The following ATP6V1H variants were observed in gnomAD, a reference collection of about 807,000 sequenced individuals.
ATP6V1H encodes ATPase H+ transporting V1 subunit H, also known as V-type proton ATPase subunit H.
A neutral mutation model predicts 71.7 loss-of-function variants in ATP6V1H; 39 were observed. The ratio of observed to expected loss-of-function variants is 0.54; its 90% confidence interval spans 0.42 to 0.71. ATP6V1H has a LOEUF of 0.71. Among genes scored for constraint, ATP6V1H ranks in the 30% least tolerant of loss-of-function variants. The probability of loss-of-function intolerance (pLI) is 0.00; values close to 1 mark genes in which losing one functional copy is unlikely to be tolerated. For synonymous variants in ATP6V1H, 192 were observed against 199.3 expected, an observed-to-expected ratio of 0.96 and a Z score of 0.31; for missense variants, 509 against 594.9, an observed-to-expected ratio of 0.86 and a Z score of 1.50.
intron 9 of ATP6V1H, among the ~76,000 whole-genome samples, chr8:53,783,412 G>A (rs1479542067): frequency 3.3e-5 from 5 of 152,020 alleles, no homozygotes; most frequent in Admixed American, 2.6e-4. Flanking sequence ...TTTTTATTGT[G>A]TCTATTTGAT....
At chr8:53,753,326 C>G (rs911848218) in intron 12 of ATP6V1H, among the ~76,000 whole-genome samples, 1 of 152,064 alleles carries the variant, frequency 6.6e-6, no homozygotes, top group Admixed American at 6.5e-5. Context: ...AGGAAAAGCA[C>G]GGAGGATCGA....
intron 9 of ATP6V1H, among the ~76,000 whole-genome samples, chr8:53,794,724 G>A (rs1348693834): frequency 6.6e-6 from 1 of 152,116 alleles, no homozygotes; most frequent in Non-Finnish European, 1.5e-5. Flanking sequence ...ATGGTTAAAA[G>A]CACAGATTCT....
intron 13 of ATP6V1H, among the ~76,000 whole-genome samples, chr8:53,726,130 G>T (rs1806803214): frequency 6.6e-6 from 1 of 152,142 alleles, no homozygotes. Context: ...TCTTTCTAGT[G>T]CTATGCCACA....
intron 11 of ATP6V1H, among the ~76,000 whole-genome samples, chr8:53,767,275 A>G (rs535460947): frequency 6.6e-6 from 1 of 152,334 alleles, no homozygotes; most frequent in South Asian, 2.1e-4. Context: ...AATGTACCAC[A>G]CTAATGCTAA....
At position 53,743,647 on chromosome 8, in the gene ATP6V1H, T is replaced by G. The variant is rs1167575726; in HGVS notation, c.1321A>C (p.Met441Leu). Residue 441 changes from methionine to leucine, a missense_variant, in exon 13 of 14, where the codon ATG (methionine) becomes CTG (leucine). By Grantham distance (15) the Met-to-Leu change is conservative. Transcript: ENST00000359530. Reference sequence around the variant, plus strand: ...CGGACCTGCTGGTCTTCATGATGCATGTGGTTCATGACCAGCTGCTTCCCA... The same window carrying G: ...CGGACCTGCTGGTCTTCATGATGCAGGTGGTTCATGACCAGCTGCTTCCCA... ...LGGKQLVMNH[M>L]HHEDQQVRYN... is the part of the protein sequence containing the mutation. The G allele has an allele frequency of 6.2e-7, 1 of 1,613,600 alleles. No homozygotes were observed. The highest frequency in any genetic ancestry group is 1.3e-5 in the African/African-American group (1 of 74,898).
At chr8:53,722,411 T>C (rs1052681205) in intron 13 of ATP6V1H, among the ~76,000 whole-genome samples, 1 of 152,234 alleles carries the variant, frequency 6.6e-6, no homozygotes, top group African/African-American at 2.4e-5. Flanking sequence ...CTGCACTACA[T>C]ACAGATCCAG....
chr8:53,740,378 T>C (rs1807368100), intron 13 of ATP6V1H, among the ~76,000 whole-genome samples: 1 of 152,172 alleles, frequency 6.6e-6, no homozygotes, highest in African/African-American at 2.4e-5. Flanking sequence ...ATCAAAAACC[T>C]AAAAATCCTT....
intron 13 of ATP6V1H, among the ~76,000 whole-genome samples, chr8:53,721,100 T>C (rs1563435032): frequency 6.6e-6 from 1 of 152,220 alleles, no homozygotes; most frequent in Non-Finnish European, 1.5e-5. Context: ...ATAAACTTTA[T>C]AGTTGTTTAT....
At chr8:53,820,394 AC>A (rs1289641439) in intron 4 of ATP6V1H, among the ~76,000 whole-genome samples, 1 of 151,550 alleles carries the variant, frequency 6.6e-6, no homozygotes, top group Non-Finnish European at 1.5e-5. Flanking sequence ...ACAAAATGAG[AC>A]CAAAAAAAAA....
At chr8:53,721,099 A>G (rs1384243590) in intron 13 of ATP6V1H, among the ~76,000 whole-genome samples, 1 of 152,184 alleles carries the variant, frequency 6.6e-6, no homozygotes, top group East Asian at 1.9e-4. Context: ...TATAAACTTT[A>G]TAGTTGTTTA....
At chr8:53,762,443 C>T (rs998895202) in intron 11 of ATP6V1H, among the ~76,000 whole-genome samples, 2 of 152,026 alleles carry the variant, frequency 1.3e-5, no homozygotes, top group Non-Finnish European at 2.9e-5. Flanking sequence ...CAATCCCAAT[C>T]GAAATACCCG....
intron 5 of ATP6V1H, 24 bp from the exon 6 acceptor site, chr8:53,814,790 T>C (rs1405515645): frequency 6.8e-7 from 1 of 1,479,054 alleles, no homozygotes; most frequent in African/African-American, 1.4e-5. Context: ...AGAGATACAT[T>C]TAACGCAACA....
At chr8:53,755,197 T>C (rs767145902) in intron 12 of ATP6V1H, among the ~76,000 whole-genome samples, 2 of 152,216 alleles carry the variant, frequency 1.3e-5, no homozygotes, top group African/African-American at 2.4e-5. Context: ...ACAAAGATCA[T>C]TGATGTCCCT....
At position 53,753,278 on chromosome 8, in the gene ATP6V1H, T is replaced by G. The variant is rs867321261; in HGVS notation, c.1277+3277A>C. Among the ~76,000 whole-genome samples the G allele has an allele frequency of 2.6e-5, 4 of 152,132 alleles. 1 individual carries two copies. Among genetic ancestry groups the G allele is most frequent in the African/African-American group, 7.2e-5 (3 of 41,432 alleles). ...CCACTGGAAGGACATAGAAAAGAAT[T>G]AGCATGGCCACAGTTTTGGGCCAAA... On this transcript the variant is annotated intron_variant, in intron 12 of 13. Transcript: ENST00000359530.
intron 12 of ATP6V1H, among the ~76,000 whole-genome samples, chr8:53,755,712 A>T (rs1563451013): frequency 6.1e-4 from 3 of 4,924 alleles, no homozygotes; most frequent in Admixed American, 2.0e-3. Context: ...ATATATATAT[A>T]TATATATATA....
At chr8:53,823,759 C>T (rs1269229273) in intron 4 of ATP6V1H, among the ~76,000 whole-genome samples, 1 of 152,126 alleles carries the variant, frequency 6.6e-6, no homozygotes, top group Non-Finnish European at 1.5e-5. Flanking sequence ...CAGGCATGAG[C>T]CACCATGCCT....
intron 11 of ATP6V1H, among the ~76,000 whole-genome samples, chr8:53,766,661 T>A (rs917930922): frequency 3.3e-5 from 5 of 152,310 alleles, no homozygotes; most frequent in Admixed American, 6.5e-5. Flanking sequence ...TAGGGGTAGG[T>A]CTCTGAACTG....
rs530868616 is a variant in ATP6V1H, at chr8:53,829,085, C to A, written c.306+359G>T. Among the ~76,000 whole-genome samples the A allele has an allele frequency of 1.5e-3, 228 of 152,294 alleles. 2 individuals carry two copies. Among genetic ancestry groups the A allele is most frequent in the African/African-American group, 5.0e-3 (207 of 41,562 alleles). On this transcript the variant is annotated intron_variant, in intron 4 of 13. Coordinates refer to ENST00000359530, the MANE Select transcript of ATP6V1H (RefSeq NM_015941.4). Reference sequence around the variant, plus strand: ...GGCACTGGCCTAGAACATATGAGCACTGAAATGTGTTGACTGATTGAATGA... The same window carrying A: ...GGCACTGGCCTAGAACATATGAGCAATGAAATGTGTTGACTGATTGAATGA...
intron 13 of ATP6V1H, among the ~76,000 whole-genome samples, chr8:53,738,649 C>T (rs1807311589): frequency 6.6e-6 from 1 of 152,200 alleles, no homozygotes; most frequent in Non-Finnish European, 1.5e-5. Flanking sequence ...AGTCCACAGA[C>T]TACATTATCC....
Sources: gnomAD v4.1 joint callset for allele counts (sites outside exome capture counted in the v4.1 genomes callset) on GRCh38, gnomAD v4.1.1 for gene constraint, MANE v1.5 for transcripts, NCBI Gene and HGNC (gene_info 2026-07-23, HGNC 2026-07-21) for gene names.